Variants in DNAJC11 observed in about 807,000 individuals in gnomAD.
DNAJC11 encodes the protein DnaJ heat shock protein family (Hsp40) member C11.
DNAJC11 carries 15 observed loss-of-function variants against 78.6 expected under a neutral mutation model. The observed-to-expected ratio is 0.19, with a 90% confidence interval of 0.13 to 0.29. The LOEUF is 0.29. DNAJC11 is among the 10% of genes least tolerant of loss of function. The pLI is 1.00. For synonymous variants in DNAJC11, 292 were observed against 272.1 expected (o/e 1.07, Z -0.72); for missense variants, 547 against 709.6 (o/e 0.77, Z 2.60).
intron 1 of DNAJC11, among the ~76,000 whole-genome samples, chr1:6,684,499 A>G (rs1157410008): frequency 6.6e-6 from 1 of 152,218 alleles, no homozygotes; most frequent in Non-Finnish European, 1.5e-5. Flanking sequence ...CTGGTTATTA[A>G]AATTAAACTA....
intron 14 of DNAJC11, among the ~76,000 whole-genome samples, chr1:6,636,534 C>T (rs1448565861): frequency 6.6e-6 from 1 of 152,130 alleles, no homozygotes; most frequent in Non-Finnish European, 1.5e-5. Context: ...TGGTCCATGC[C>T]CCAGGCCCCA....
Position 6,680,830 on chromosome 1 carries a change from A to G in DNAJC11, c.202+78T>C, listed in dbSNP as rs1570305465. Reference sequence around the variant, plus strand: ...ATACCTCTAAGGACTCTCTTTTTCTATCCTCTACAAATCGCACCTCCTAAA... The same window carrying G: ...ATACCTCTAAGGACTCTCTTTTTCTGTCCTCTACAAATCGCACCTCCTAAA... On this transcript the variant is annotated intron_variant, in intron 2 of 15. Coordinates refer to ENST00000377577, the MANE Select transcript of DNAJC11 (RefSeq NM_018198.4). This position sits in a 1 kb window ranked among gnomAD's most constrained non-coding sequence, Gnocchi z 4.0. 16 of 1,558,402 alleles carry G rather than the reference A, an allele frequency of 1.0e-5. No homozygotes were observed. The highest frequency in any genetic ancestry group is 1.4e-5 in the Non-Finnish European group (16 of 1,143,460).
intron 1 of DNAJC11, among the ~76,000 whole-genome samples, chr1:6,681,831 C>T (rs1464438887): frequency 6.6e-6 from 1 of 152,154 alleles, no homozygotes; most frequent in South Asian, 2.1e-4. Context: ...TGGCTGGCCC[C>T]GCAGGTCTGC....
intron 6 of DNAJC11, among the ~76,000 whole-genome samples, chr1:6,652,501 A>ACT (rs1227261698): frequency 1.3e-5 from 2 of 151,934 alleles, no homozygotes; most frequent in Non-Finnish European, 1.5e-5. Flanking sequence ...CGCGATCTTG[A>ACT]CTCGCTGCAA....
chr1:6,635,940 C>A (rs943724802), intron 15 of DNAJC11, among the ~76,000 whole-genome samples, 177 bp downstream of exon 15: 4 of 152,234 alleles, frequency 2.6e-5, no homozygotes, highest in South Asian at 4.1e-4. Context: ...CCCAGCCCCC[C>A]TTTTAGGGCA....
intron 1 of DNAJC11, among the ~76,000 whole-genome samples, chr1:6,689,312 C>G (rs1642704667): frequency 6.6e-6 from 1 of 152,160 alleles, no homozygotes; most frequent in South Asian, 2.1e-4. Context: ...TGCTGAAGTC[C>G]TAGAGGATTC....
rs372741132 is a variant in DNAJC11 at position 6,680,896 on chromosome 1, C to T, written c.202+12G>A. Reference sequence around the variant, plus strand: ...ACCAGGATGTTTCTACAAAGTCCGGCCCTCCACTGACCTTCATAAGCCTGG... The same window carrying T: ...ACCAGGATGTTTCTACAAAGTCCGGTCCTCCACTGACCTTCATAAGCCTGG... On this transcript the variant is annotated intron_variant, in intron 2 of 15. Coordinates refer to ENST00000377577, the MANE Select transcript of DNAJC11 (RefSeq NM_018198.4). This position sits in a 1 kb window ranked among gnomAD's most constrained non-coding sequence, Gnocchi z 4.0. 1.9e-6 allele frequency: 3 copies of T among 1,611,710 alleles called. No homozygotes were observed. The highest frequency in any genetic ancestry group is 2.7e-5 in the African/African-American group (2 of 74,842).
intron 1 of DNAJC11, among the ~76,000 whole-genome samples, chr1:6,690,331 C>T (rs1030239770): frequency 6.6e-6 from 1 of 152,224 alleles, no homozygotes; most frequent in African/African-American, 2.4e-5. Context: ...CGCATATCCA[C>T]TGCTATGTCA....
At chr1:6,678,327 T>C (rs1223934652) in intron 3 of DNAJC11, 67 bp downstream of exon 3, 1 of 1,385,604 alleles carries the variant, frequency 7.2e-7, no homozygotes, top group Non-Finnish European at 1.0e-6. Flanking sequence ...GATTGCAGGG[T>C]TTTGGGGAGA....
At chr1:6,700,763 G>A (rs778401080) in intron 1 of DNAJC11, among the ~76,000 whole-genome samples, 1 of 152,170 alleles carries the variant, frequency 6.6e-6, no homozygotes, top group Non-Finnish European at 1.5e-5. Flanking sequence ...CACTGAACCC[G>A]CTTTGGTTAG....
intron 7 of DNAJC11, among the ~76,000 whole-genome samples, chr1:6,650,677 C>T (rs1642040622): frequency 6.6e-6 from 1 of 151,900 alleles, no homozygotes; most frequent in Admixed American, 6.6e-5. Flanking sequence ...AGTTCGAGAC[C>T]AGCCTGACCA....
Position 6,639,971 on chromosome 1 carries a change from C to A in DNAJC11, c.1184G>T (p.Gly395Val). ...LPSAMFYATV[G>V]PLVVYFAMHR... ...CATGGCAAAGTAGACCACTAGAGGC[C>A]CCACGGTGGCATAGAACATGGCGCT... The change falls in exon 11 of 16, where the codon GGG becomes GTG. Residue 395 changes from glycine (G) to valine (V), a missense_variant. Gly to Val is a moderately radical substitution (Grantham distance 109). Transcript: ENST00000377577. 6.2e-7 allele frequency: 1 copy of A among 1,613,618 alleles called. No individual in the cohort carries two copies. The highest frequency in any genetic ancestry group is 1.7e-4 in the Middle Eastern group (1 of 6,060).
intron 1 of DNAJC11, 26 bp from the exon 2 acceptor site, chr1:6,681,063 GAACA>G (rs761468793): frequency 1.9e-6 from 3 of 1,586,746 alleles, no homozygotes; most frequent in African/African-American, 2.7e-5. Flanking sequence ...TTCAATTAGA[GAACA>G]ATCAATGCTA....
At chr1:6,640,414 T>A (rs1177643676) in intron 10 of DNAJC11, among the ~76,000 whole-genome samples, 1 of 152,222 alleles carries the variant, frequency 6.6e-6, no homozygotes, top group African/African-American at 2.4e-5. Flanking sequence ...ATCTCAGTTC[T>A]TAACTGAGGT....
At chr1:6,693,284 T>C (rs939134113) in intron 1 of DNAJC11, among the ~76,000 whole-genome samples, 10 of 152,204 alleles carry the variant, frequency 6.6e-5, no homozygotes, top group Non-Finnish European at 5.9e-5. Flanking sequence ...TACAAGTGGA[T>C]AGCAAAGTTC....
chr1:6,667,952 C>T (rs1642317708), intron 3 of DNAJC11, 142 bp from the exon 4 acceptor site: 1 of 734,470 alleles, frequency 1.4e-6, no homozygotes, highest in Non-Finnish European at 2.4e-6. Context: ...GGACCCCAAA[C>T]CATGAGTTCC....
intron 1 of DNAJC11, among the ~76,000 whole-genome samples, chr1:6,695,626 C>CAAAA (rs1222463544): frequency 5.2e-5 from 1 of 19,290 alleles, no homozygotes. Context: ...CCTATCTCTA[C>CAAAA]TAAAAAAAAA....
chr1:6,648,949 C>G (rs565029792), intron 7 of DNAJC11, among the ~76,000 whole-genome samples: 117 of 152,160 alleles, frequency 7.7e-4, no homozygotes, highest in Admixed American at 2.4e-3. Flanking sequence ...TGAGCAGCAC[C>G]CAGGTGATGC....
chr1:6,637,875 C>T, intron 12 of DNAJC11: 1 of 416,696 alleles, frequency 2.4e-6, no homozygotes, highest in South Asian at 2.7e-5. Flanking sequence ...AATCCCAGCT[C>T]CTCTTGAGAA....
Sources: allele counts gnomAD v4.1 joint callset (sites outside exome capture counted in the v4.1 genomes callset), GRCh38; gene constraint gnomAD v4.1.1; non-coding constraint Gnocchi (gnomAD v3.1); transcripts MANE v1.5; gene names NCBI Gene and HGNC (gene_info 2026-07-23, HGNC 2026-07-21).